LUZP2: variants seen among roughly 807,000 people sequenced by gnomAD.
LUZP2 encodes the protein leucine zipper protein 2.
A neutral mutation model predicts 51.6 loss-of-function variants in LUZP2; 52 were observed. That is an observed-to-expected ratio of 1.01 (90% CI 0.81 to 1.27). The LOEUF is 1.27. Ranked by LOEUF, LUZP2 falls within the 50% of genes most tolerant of loss-of-function variation. The pLI is 0.00. For missense variants in LUZP2, 436 were observed against 395.4 expected, an observed-to-expected ratio of 1.10 and a Z score of -0.87; for synonymous variants, 154 against 137.3, an observed-to-expected ratio of 1.12 and a Z score of -0.85.
chr11:24,550,604 A>G (rs75028370), intron 1 of LUZP2, among the ~76,000 whole-genome samples: 3,327 of 152,172 alleles, frequency 0.022, 105 homozygotes, highest in South Asian at 0.06. Context: ...GAATCTTTCT[A>G]ATGGGTTAAA....
At chr11:24,838,900 T>A (rs939611878) in intron 5 of LUZP2, among the ~76,000 whole-genome samples, 5 of 151,650 alleles carry the variant, frequency 3.3e-5, no homozygotes, top group Non-Finnish European at 4.4e-5. Context: ...TTGAATTCTC[T>A]ATGAAGCTCA....
intron 5 of LUZP2, among the ~76,000 whole-genome samples, chr11:24,778,899 A>G (rs1849015203): frequency 1.3e-5 from 2 of 152,204 alleles, no homozygotes; most frequent in African/African-American, 4.8e-5. Context: ...ACACCAACTG[A>G]TAACATCAGT....
At chr11:25,034,703 T>C (rs1183767726) in intron 9 of LUZP2, among the ~76,000 whole-genome samples, 1 of 152,146 alleles carries the variant, frequency 6.6e-6, no homozygotes, top group Non-Finnish European at 1.5e-5. Context: ...AAAGTTTGTG[T>C]TGGCCTTGTC....
At chr11:24,777,699 A>C (rs1428526818) in intron 5 of LUZP2, among the ~76,000 whole-genome samples, 2 of 152,128 alleles carry the variant, frequency 1.3e-5, no homozygotes, top group Admixed American at 6.5e-5. Context: ...TGTCATAGAA[A>C]AATTGGACAC....
intron 5 of LUZP2, among the ~76,000 whole-genome samples, chr11:24,823,437 C>A (rs1229064479): frequency 6.7e-6 from 1 of 148,942 alleles, no homozygotes; most frequent in African/African-American, 2.5e-5. Context: ...ACCTTGGAGG[C>A]CATAGAAATA....
chr11:24,881,705 A>G (rs542977004), intron 5 of LUZP2, among the ~76,000 whole-genome samples: 2 of 152,186 alleles, frequency 1.3e-5, no homozygotes, highest in African/African-American at 4.8e-5. Flanking sequence ...TTCAAATGGA[A>G]TAAAGTGTTT....
At chr11:24,790,024 C>T (rs1849365119) in intron 5 of LUZP2, among the ~76,000 whole-genome samples, 1 of 152,154 alleles carries the variant, frequency 6.6e-6, no homozygotes, top group Admixed American at 6.5e-5. Context: ...GTTAGTCTTT[C>T]CACCTGTGCT....
chr11:25,028,348 C>T (rs1857555939), intron 9 of LUZP2, among the ~76,000 whole-genome samples: 1 of 152,168 alleles, frequency 6.6e-6, no homozygotes, highest in African/African-American at 2.4e-5. Flanking sequence ...CTCATCCCCA[C>T]TCCCCATGTC....
chr11:24,690,444 A>G (rs1393033115), intron 1 of LUZP2, among the ~76,000 whole-genome samples: 1 of 152,106 alleles, frequency 6.6e-6, no homozygotes, highest in Non-Finnish European at 1.5e-5. Flanking sequence ...CTGTTGCACA[A>G]ACTTATTTTA....
intron 5 of LUZP2, among the ~76,000 whole-genome samples, chr11:24,823,646 C>T (rs1850429444): frequency 1.3e-5 from 2 of 151,930 alleles, no homozygotes; most frequent in African/African-American, 4.8e-5. Flanking sequence ...TTAGGCTATG[C>T]CAGCAATAGT....
intron 9 of LUZP2, among the ~76,000 whole-genome samples, chr11:25,033,561 C>T (rs528495383): frequency 5.9e-4 from 89 of 152,094 alleles, no homozygotes; most frequent in Non-Finnish European, 9.1e-4. Context: ...AGTTTTTGAA[C>T]ACAACCTTCT....
At chr11:24,957,819 A>G (rs1855253933) in intron 7 of LUZP2, among the ~76,000 whole-genome samples, 1 of 152,078 alleles carries the variant, frequency 6.6e-6, no homozygotes, top group Non-Finnish European at 1.5e-5. Context: ...TTAGTTACAT[A>G]TGTATACATG....
intron 7 of LUZP2, among the ~76,000 whole-genome samples, chr11:24,967,420 T>G (rs907419121): frequency 9.2e-5 from 14 of 152,132 alleles, no homozygotes; most frequent in African/African-American, 3.4e-4. Flanking sequence ...CACAAATGTT[T>G]TTAACATTCT....
intron 5 of LUZP2, among the ~76,000 whole-genome samples, chr11:24,865,722 ATATATGTG>A (rs756001869): frequency 0.051 from 2,610 of 51,218 alleles, 36 homozygotes; most frequent in East Asian, 0.099. Flanking sequence ...ATATATATAT[ATATATGTG>A]TGTGTGTGTG....
At chr11:24,670,997 T>C (rs1856384852) in intron 1 of LUZP2, among the ~76,000 whole-genome samples, 1 of 151,924 alleles carries the variant, frequency 6.6e-6, no homozygotes, top group Non-Finnish European at 1.5e-5. Context: ...TTATTCTTTC[T>C]CAAAGATGTC....
chr11:25,078,120 T>C (rs2028856), intron 11 of LUZP2, among the ~76,000 whole-genome samples: 77,729 of 152,050 alleles, frequency 0.51, 20,513 homozygotes, highest in Non-Finnish European at 0.56. Flanking sequence ...ACATATTACT[T>C]ACAAGAACAA....
chr11:24,653,165 G>A (rs1174613854), intron 1 of LUZP2, among the ~76,000 whole-genome samples: 1 of 152,104 alleles, frequency 6.6e-6, no homozygotes. Flanking sequence ...CCAGTTAGGA[G>A]GCTAGAGCAA....
intron 1 of LUZP2, among the ~76,000 whole-genome samples, chr11:24,553,242 T>A (rs1851771716): frequency 6.6e-6 from 1 of 151,854 alleles, no homozygotes; most frequent in Admixed American, 6.6e-5. Context: ...AATGTGAAAG[T>A]GATATTATTT....
chr11:24,735,534 A>G (rs531515154), intron 3 of LUZP2, among the ~76,000 whole-genome samples: 98 of 152,028 alleles, frequency 6.4e-4, no homozygotes, highest in Middle Eastern at 3.4e-3. Flanking sequence ...GTTCTCGAAA[A>G]CTAAAACAAA....
Sources: allele counts gnomAD v4.1 joint callset (sites outside exome capture counted in the v4.1 genomes callset), GRCh38; gene constraint gnomAD v4.1.1; transcripts MANE v1.5; gene names NCBI Gene and HGNC (gene_info 2026-07-23, HGNC 2026-07-21).